Variants in COL23A1 observed in about 807,000 individuals in gnomAD.
COL23A1 encodes collagen type XXIII alpha 1 chain, also known as collagen alpha-1(XXIII) chain.
Under a neutral mutation model 99.3 loss-of-function variants are expected in COL23A1, and 97 were observed. The observed-to-expected ratio is 0.98, with a 90% CI of 0.83 to 1.16. The LOEUF (loss-of-function observed/expected upper bound fraction) is 1.16, where lower values mean the gene tolerates loss of function less well. Ranked by LOEUF, COL23A1 falls within the 50% of genes most tolerant of loss-of-function variation. COL23A1 has a pLI of 0.00. For synonymous variants in COL23A1, 320 were observed against 308.2 expected (o/e 1.04, Z -0.40); for missense variants, 762 against 757.4 (o/e 1.01, Z -0.07).
intron 2 of COL23A1, among the ~76,000 whole-genome samples, chr5:178,502,162 C>G (rs780989951): frequency 6.6e-6 from 1 of 152,164 alleles, no homozygotes; most frequent in South Asian, 2.1e-4. Context: ...GATGGAGTCT[C>G]GCTCTGTCGC....
intron 3 of COL23A1, among the ~76,000 whole-genome samples, chr5:178,300,066 T>C (rs1358050676): frequency 6.7e-6 from 1 of 149,730 alleles, no homozygotes; most frequent in Non-Finnish European, 1.5e-5. Flanking sequence ...TCTCCTTCAA[T>C]TTTTTTCTTT....
intron 5 of COL23A1, among the ~76,000 whole-genome samples, chr5:178,285,918 G>A (rs949969107): frequency 3.9e-5 from 6 of 152,218 alleles, no homozygotes; most frequent in Non-Finnish European, 7.3e-5. Flanking sequence ...CCCCTTCCTC[G>A]AATGGGGAAG....
At chr5:178,357,433 C>A (rs1305058980) in intron 2 of COL23A1, among the ~76,000 whole-genome samples, 1 of 152,228 alleles carries the variant, frequency 6.6e-6, no homozygotes, top group Non-Finnish European at 1.5e-5. Context: ...TCAGGCCGGG[C>A]ATGCAGGCTC....
chr5:178,254,513 T>A (rs963145366), intron 16 of COL23A1, among the ~76,000 whole-genome samples: 1 of 152,114 alleles, frequency 6.6e-6, no homozygotes, highest in African/African-American at 2.4e-5. Context: ...AGTCCCAAGT[T>A]TACCAGCGAC....
intron 2 of COL23A1, among the ~76,000 whole-genome samples, chr5:178,456,364 G>A (rs541558302): frequency 9.9e-5 from 15 of 152,266 alleles, no homozygotes; most frequent in African/African-American, 3.4e-4. Flanking sequence ...ACATGTAACC[G>A]ATATCAGATG....
At position 178,377,348 on chromosome 5, in the gene COL23A1, G is replaced by A. The variant is rs1253928120; in HGVS notation, c.362-70429C>T. Among the ~76,000 whole-genome samples the A allele has an allele frequency of 2.7e-5, 4 of 149,486 alleles. No individual in the cohort carries two copies. The East Asian group carries it at 7.7e-4, about 29-fold the overall frequency. ...TCCTTCCTTTTCCAAGGGAAGGCAT[G>A]AACTGCCTGGTGTTTTAAGAAGTGA... On this transcript the variant is annotated intron_variant, in intron 2 of 28. Transcript: ENST00000390654.
intron 2 of COL23A1, among the ~76,000 whole-genome samples, chr5:178,386,218 T>G (rs1276039059): frequency 6.6e-6 from 1 of 152,138 alleles, no homozygotes; most frequent in African/African-American, 2.4e-5. Flanking sequence ...GCGGGTGGAT[T>G]GTCTGAGCTC....
rs908681467 is a variant in COL23A1, at chr5:178,310,530, G to A, written c.362-3611C>T. ...ACTCTGGGGCTAAGCCAGGTGAAGG[G>A]GCCCACCTAAGGCTGTGTTGCTAGA... On this transcript the variant is annotated intron_variant, in intron 2 of 28. Transcript: ENST00000390654. The surrounding 1 kb of genome is among the most constrained non-coding windows in gnomAD (Gnocchi z 4.3). Among the ~76,000 whole-genome samples the A allele has an allele frequency of 2.0e-4, 30 of 152,210 alleles. No homozygotes were observed. Among genetic ancestry groups the A allele is most frequent in the Non-Finnish European group, 1.9e-4 (13 of 68,040 alleles).
In COL23A1 at chr5:178,255,731, C is replaced by A; in HGVS notation, c.882+622G>T. 3.9e-6 allele frequency: 1 copy of A among 255,608 alleles called. No homozygotes were observed. The highest frequency in any genetic ancestry group is 8.4e-6 in the Non-Finnish European group (1 of 119,574). 15.8% of individuals were successfully genotyped at this position (255,608 alleles called of 1,614,324 possible). ...TCCCCCGTCCCCAGTCACAGCCTGCCCAGAACTGCCTGGCTCACTGGCTGC... is the reference window on the plus strand; with the variant it reads ...TCCCCCGTCCCCAGTCACAGCCTGCACAGAACTGCCTGGCTCACTGGCTGC... On this transcript the variant is annotated intron_variant, in intron 15 of 28. Coordinates refer to ENST00000390654, the MANE Select transcript of COL23A1 (RefSeq NM_173465.4). The surrounding 1 kb of genome is among the most constrained non-coding windows in gnomAD (Gnocchi z 4.2).
In COL23A1 at chr5:178,415,771, C is replaced by T. The variant is rs1429350420; in HGVS notation, c.362-108852G>A. 1.3e-5 allele frequency among the ~76,000 whole-genome samples: 2 copies of T among 152,148 alleles called. No homozygotes were observed. The highest frequency in any genetic ancestry group is 2.4e-5 in the African/African-American group (1 of 41,434). On this transcript the variant is annotated intron_variant, in intron 2 of 28. Coordinates refer to ENST00000390654, the MANE Select transcript of COL23A1 (RefSeq NM_173465.4). The surrounding 1 kb of genome is among the most constrained non-coding windows in gnomAD (Gnocchi z 4.6). ...CGAGGTTCTTGCCCACAGAGAGCTC[C>T]CAGCCTAGCGGGAGGTAGACAGGCA...
In COL23A1 at chr5:178,313,411, C is replaced by CT. The variant is rs1240589449; in HGVS notation, c.362-6493dup. On this transcript the variant is annotated intron_variant, in intron 2 of 28. Transcript: ENST00000390654. The surrounding 1 kb of genome is among the most constrained non-coding windows in gnomAD (Gnocchi z 4.2). ...AAAACAAACACCCCAGGGGTCTCAG[C>CT]TACCCCTGAGCGAGGCTGTGAGCCG... is the stretch of plus-strand genomic sequence containing the variant. Among the ~76,000 whole-genome samples the CT allele has an allele frequency of 1.3e-5, 2 of 152,222 alleles. No homozygotes were observed. Among genetic ancestry groups the CT allele is most frequent in the African/African-American group, 2.4e-5 (1 of 41,450 alleles).
At chr5:178,358,583 ATGTG>A (rs764844753) in intron 2 of COL23A1, among the ~76,000 whole-genome samples, 31 of 139,622 alleles carry the variant, frequency 2.2e-4, no homozygotes, top group Non-Finnish European at 3.2e-4. Flanking sequence ...GTGTATGTGT[ATGTG>A]TGTGTATGTG....
chr5:178,436,189 G>A (rs1452808513), intron 2 of COL23A1, among the ~76,000 whole-genome samples: 2 of 152,178 alleles, frequency 1.3e-5, no homozygotes, highest in Admixed American at 1.3e-4. Flanking sequence ...AAAAGTTGGG[G>A]GTGAGGTAGC....
chr5:178,488,727 T>C (rs988866365), intron 2 of COL23A1, among the ~76,000 whole-genome samples: 9 of 151,240 alleles, frequency 6.0e-5, no homozygotes, highest in African/African-American at 2.2e-4. Context: ...TGAACAACTG[T>C]ACATATTTAA....
intron 1 of COL23A1, chr5:178,562,456 G>A (rs1762622311): frequency 6.4e-6 from 1 of 157,022 alleles, no homozygotes; most frequent in Non-Finnish European, 1.4e-5. Flanking sequence ...CCCAGAGGCT[G>A]AGGCAGGAGA....
Position 178,245,811 on chromosome 5 carries a change from G to A in COL23A1, c.1440+131C>T, listed in dbSNP as rs78959348. 4.1e-3 allele frequency: 4,312 copies of A among 1,039,780 alleles called. 10 individuals are homozygous for A. The highest frequency in any genetic ancestry group is 5.6e-3 in the Middle Eastern group (26 of 4,662). The allele number at this position is 1,039,780 out of a possible 1,614,324, so 64.4% of individuals were successfully genotyped here. A position where few individuals can be genotyped will look rare whatever the true frequency, so the allele number is the denominator to read the frequency against. Reference sequence around the variant, plus strand: ...GGACTTGGCAATGGGGACACAGGGGGAACCAGTCAGTTGCAGTCCCAGCCC... The same window carrying A: ...GGACTTGGCAATGGGGACACAGGGGAAACCAGTCAGTTGCAGTCCCAGCCC... On this transcript the variant is annotated intron_variant, in intron 25 of 28. Coordinates refer to ENST00000390654, the MANE Select transcript of COL23A1 (RefSeq NM_173465.4).
intron 2 of COL23A1, among the ~76,000 whole-genome samples, chr5:178,437,943 G>A (rs566499008): frequency 1.2e-4 from 18 of 152,292 alleles, no homozygotes; most frequent in East Asian, 5.8e-4. Context: ...TGCCCACCAT[G>A]GGCTCAGAGG....
At chr5:178,585,931 C>T (rs937551941) in intron 1 of COL23A1, among the ~76,000 whole-genome samples, 1 of 152,200 alleles carries the variant, frequency 6.6e-6, no homozygotes, top group Non-Finnish European at 1.5e-5. Context: ...TGGCTAGTGG[C>T]TGTAAGTCTG....
intron 12 of COL23A1, among the ~76,000 whole-genome samples, chr5:178,258,745 A>G (rs1765472450): frequency 6.6e-6 from 1 of 151,774 alleles, no homozygotes; most frequent in Non-Finnish European, 1.5e-5. Context: ...TCCAGGCTGG[A>G]GTGCAGTGGC....
Sources: allele counts gnomAD v4.1 joint callset (sites outside exome capture counted in the v4.1 genomes callset), GRCh38; gene constraint gnomAD v4.1.1; non-coding constraint Gnocchi (gnomAD v3.1); transcripts MANE v1.5; gene names NCBI Gene and HGNC (gene_info 2026-07-23, HGNC 2026-07-21).